The following SH3GL2 variants were observed in gnomAD, a reference collection of about 807,000 sequenced individuals.
SH3GL2 encodes SH3 domain containing GRB2 like 2, endophilin A1.
A neutral mutation model predicts 46.0 loss-of-function variants in SH3GL2; 24 were observed. That is an observed-to-expected ratio of 0.52 (90% CI 0.38 to 0.73). The LOEUF (loss-of-function observed/expected upper bound fraction) is 0.73, where lower values mean the gene tolerates loss of function less well. Ranked by LOEUF, SH3GL2 falls within the 30% of genes least tolerant of loss-of-function variation. SH3GL2 has a pLI of 0.00. For missense variants in SH3GL2, 413 were observed against 424.2 expected (o/e 0.97, Z 0.23); for synonymous variants, 196 against 147.1 (o/e 1.33, Z -2.40).
At chr9:17,592,792 T>G (rs1293871347) in intron 1 of SH3GL2, among the ~76,000 whole-genome samples, 2 of 152,162 alleles carry the variant, frequency 1.3e-5, no homozygotes, top group Non-Finnish European at 2.9e-5. Flanking sequence ...TTTTCTCTGC[T>G]ACGAGATGAC....
rs1160332860 is a variant in SH3GL2 at position 17,712,981 on chromosome 9, C to T, written c.46-34085C>T. On this transcript the variant is annotated intron_variant, in intron 1 of 8. Coordinates refer to ENST00000380607, the MANE Select transcript of SH3GL2 (RefSeq NM_003026.5). ...TGATCATAGAGAAAAAGCATTCAGT[C>T]TTTCACCATTAAGGATGATGTTAGC... Among the ~76,000 whole-genome samples, 4 of 151,544 alleles carry T rather than the reference C, an allele frequency of 2.6e-5. No individual in the cohort carries two copies. In the East Asian group the frequency reaches 7.8e-4, roughly 29 times the overall value.
intron 1 of SH3GL2, among the ~76,000 whole-genome samples, chr9:17,697,571 C>G (rs1821238527): frequency 6.6e-6 from 1 of 152,112 alleles, no homozygotes; most frequent in Non-Finnish European, 1.5e-5. Context: ...CAGTCCCACT[C>G]ATGTGTTCAA....
rs185435940 is a variant in SH3GL2 at position 17,679,003 on chromosome 9, G to T, written c.46-68063G>T. ...TCCATTGGTCTATATCTCTATTTTG[G>T]TACCAGTACCATGCTGTTTTGGTTA... On this transcript the variant is annotated intron_variant, in intron 1 of 8. Transcript: ENST00000380607. Among the ~76,000 whole-genome samples the T allele has an allele frequency of 4.1e-3, 624 of 152,014 alleles. 8 individuals are homozygous for T. The highest frequency in any genetic ancestry group is 0.027 in the East Asian group (141 of 5,150).
At chr9:17,690,016 C>T (rs1174976573) in intron 1 of SH3GL2, among the ~76,000 whole-genome samples, 2 of 152,154 alleles carry the variant, frequency 1.3e-5, no homozygotes, top group Non-Finnish European at 2.9e-5. Flanking sequence ...TCAAATTGTG[C>T]CCCTTAGTTT....
chr9:17,598,471 G>A (rs1818613725), intron 1 of SH3GL2, among the ~76,000 whole-genome samples: 1 of 152,140 alleles, frequency 6.6e-6, no homozygotes, highest in Non-Finnish European at 1.5e-5. Flanking sequence ...CTGAGGATGC[G>A]TCTTTAAACT....
intron 3 of SH3GL2, among the ~76,000 whole-genome samples, chr9:17,761,960 G>A (rs1015683630): frequency 1.7e-4 from 26 of 152,270 alleles, no homozygotes; most frequent in East Asian, 1.4e-3. Context: ...TCTTCAGAGC[G>A]TTGATCTTGA....
intron 2 of SH3GL2, chr9:17,755,843 C>T (rs1005241947): frequency 2.0e-5 from 18 of 903,374 alleles, no homozygotes; most frequent in Non-Finnish European, 2.4e-5. Context: ...GGTAATATTC[C>T]CATGTCTCTG....
At chr9:17,782,681 A>G (rs1427539783) in intron 3 of SH3GL2, among the ~76,000 whole-genome samples, 2 of 152,186 alleles carry the variant, frequency 1.3e-5, no homozygotes, top group African/African-American at 4.8e-5. Flanking sequence ...ATTCCAAAGC[A>G]CAGTGGGCGG....
intron 1 of SH3GL2, among the ~76,000 whole-genome samples, chr9:17,619,188 C>A (rs186214120): frequency 1.3e-5 from 2 of 152,182 alleles, no homozygotes; most frequent in African/African-American, 4.8e-5. Flanking sequence ...GATGGCAGAG[C>A]TGGGCTTTGA....
rs137897281 is a variant in SH3GL2 at position 17,787,563 on chromosome 9, G to A, written c.465+50G>A. 4.4e-4 allele frequency: 658 copies of A among 1,491,354 alleles called. 4 individuals carry two copies. In the African/African-American group the frequency reaches 7.8e-3, roughly 18 times the overall value. The allele number at this position is 1,491,354 out of a possible 1,614,324, so 92.4% of individuals were successfully genotyped here. A position where few individuals can be genotyped will look rare whatever the true frequency, so the allele number is the denominator to read the frequency against. ...AGTGGGCAGTTGAAATCATACAGAT[G>A]CAGATGCCTTTTTTCTTTAGAAAAC... is the stretch of plus-strand genomic sequence containing the variant. On this transcript the variant is annotated intron_variant, in intron 5 of 8. Transcript: ENST00000380607.
intron 1 of SH3GL2, among the ~76,000 whole-genome samples, chr9:17,640,559 A>G (rs903176831): frequency 6.6e-6 from 1 of 152,106 alleles, no homozygotes; most frequent in Non-Finnish European, 1.5e-5. Flanking sequence ...TGTCTCTGGT[A>G]AGACAGGCCC....
At chr9:17,632,039 G>T (rs989532123) in intron 1 of SH3GL2, among the ~76,000 whole-genome samples, 1 of 152,112 alleles carries the variant, frequency 6.6e-6, no homozygotes, top group Non-Finnish European at 1.5e-5. Flanking sequence ...AAGATTTTAA[G>T]ATAGCTTAAG....
At chr9:17,739,766 T>C (rs1319995520) in intron 1 of SH3GL2, among the ~76,000 whole-genome samples, 1 of 152,186 alleles carries the variant, frequency 6.6e-6, no homozygotes, top group Non-Finnish European at 1.5e-5. Context: ...ATCCCTCTAT[T>C]ATAAATTTTT....
chr9:17,623,997 G>A (rs999721770), intron 1 of SH3GL2, among the ~76,000 whole-genome samples: 2 of 152,240 alleles, frequency 1.3e-5, no homozygotes, highest in Non-Finnish European at 2.9e-5. Context: ...CTAGTCTGGG[G>A]TCAAATACTT....
intron 1 of SH3GL2, chr9:17,590,216 C>A (rs1287898154): frequency 6.6e-6 from 1 of 152,062 alleles, no homozygotes; most frequent in East Asian, 1.9e-4. Flanking sequence ...GAATTTATAC[C>A]ATTCATTATT....
chr9:17,747,056 T>C lies in SH3GL2; in HGVS notation c.46-10T>C. The C allele has an allele frequency of 3.8e-6, 6 of 1,579,592 alleles. No individual in the cohort carries two copies. The highest frequency in any genetic ancestry group is 4.3e-6 in the Non-Finnish European group (5 of 1,151,226). ...TTATAATAATTCTCCTTTGTGGTTA[T>C]TTTCTACAGAAAGTGAGTGAGAAGG... On this transcript the variant is annotated splice_polypyrimidine_tract_variant and intron_variant, in intron 1 of 8. Transcript: ENST00000380607.
chr9:17,671,760 A>C (rs1209395631), intron 1 of SH3GL2, among the ~76,000 whole-genome samples: 2 of 152,240 alleles, frequency 1.3e-5, no homozygotes, highest in African/African-American at 2.4e-5. Flanking sequence ...CTGAGAATTA[A>C]AGCTGAAATG....
intron 1 of SH3GL2, among the ~76,000 whole-genome samples, chr9:17,603,784 C>T (rs572681373): frequency 3.3e-5 from 5 of 152,002 alleles, no homozygotes; most frequent in Non-Finnish European, 7.4e-5. Context: ...CATTTGAACC[C>T]GGGAGGCGGA....
At chr9:17,739,163 GC>G (rs1429846451) in intron 1 of SH3GL2, among the ~76,000 whole-genome samples, 1 of 152,124 alleles carries the variant, frequency 6.6e-6, no homozygotes, top group Non-Finnish European at 1.5e-5. Flanking sequence ...GTAGAAAGGG[GC>G]TAGCCAGAAA....
Sources: gnomAD v4.1 joint callset for allele counts (sites outside exome capture counted in the v4.1 genomes callset) on GRCh38, gnomAD v4.1.1 for gene constraint, MANE v1.5 for transcripts, NCBI Gene and HGNC (gene_info 2026-07-23, HGNC 2026-07-21) for gene names.